Variants in E2F4 observed in about 807,000 individuals in gnomAD.
E2F4 encodes E2F transcription factor 4.
E2F4 carries 16 observed loss-of-function variants against 44.5 expected under a neutral mutation model. That is an observed-to-expected ratio of 0.36 (90% CI 0.24 to 0.55). E2F4 has a LOEUF of 0.55. Ranked by LOEUF, E2F4 falls within the 20% of genes least tolerant of loss-of-function variation. The pLI is 0.87. For synonymous variants in E2F4, 242 were observed against 207.2 expected, an observed-to-expected ratio of 1.17 and a Z score of -1.44; for missense variants, 473 against 522.1, an observed-to-expected ratio of 0.91 and a Z score of 0.92.
At chr16:67,196,452 T>C (rs2032971592) in intron 7 of E2F4, among the ~76,000 whole-genome samples, 1 of 152,244 alleles carries the variant, frequency 6.6e-6, no homozygotes, top group Non-Finnish European at 1.5e-5. Flanking sequence ...CGTGTTTTGC[T>C]GGTGCTCTCT....
In E2F4 at chr16:67,194,783, C is replaced by T; in HGVS notation, c.611C>T (p.Pro204Leu). ...LVNKEAWSSP[P>L]VAVPVPPPED... ...AACAAGGAGGCATGGAGCTCACCCC[C>T]TGTGGCTGTGCCTGTGCCACCACCT... The change falls in exon 6 of 10, where the codon CCT becomes CTT. Residue 204 changes from proline (P) to leucine (L), a missense_variant. Coordinates refer to ENST00000379378, the MANE Select transcript of E2F4 (RefSeq NM_001950.4). The T allele has an allele frequency of 6.2e-7, 1 of 1,614,210 alleles. No homozygotes were observed. Among genetic ancestry groups the T allele is most frequent in the Non-Finnish European group, 8.5e-7 (1 of 1,180,036 alleles).
chr16:67,196,029 CAG>C lies in E2F4; in HGVS notation c.1033+34_1033+35del, dbSNP rs550471473. The C allele has an allele frequency of 6.0e-4, 964 of 1,611,060 alleles. 8 individuals carry two copies. In the African/African-American group the frequency reaches 0.011, roughly 18 times the overall value. On this transcript the variant is annotated intron_variant, in intron 7 of 9. Transcript: ENST00000379378. ...GTGGTGAGTACCTGCCCCCTGGGGG[CAG>C]AGAGAGAGAGTCTAGCCTCAGTCCA...
At chr16:67,195,623 A>G (rs757529693) in intron 6 of E2F4, 159 bp from the exon 7 acceptor site, 21 of 1,444,092 alleles carry the variant, frequency 1.5e-5, no homozygotes, top group Non-Finnish European at 1.8e-5. Context: ...TGTGGTGACT[A>G]ATTTCAGGTT....
Position 67,194,381 on chromosome 16 carries a change from T to A in E2F4, c.452-17T>A. 1 of 1,613,900 alleles carries A rather than the reference T, an allele frequency of 6.2e-7. No homozygotes were observed. ...ATTGAGCCCATGGGCTCTGACCCAT[T>A]CTCCATGTCATTCTAGGAGATACCC... is the stretch of plus-strand genomic sequence containing the variant. On this transcript the variant is annotated splice_polypyrimidine_tract_variant and intron_variant, in intron 4 of 9. Coordinates refer to ENST00000379378, the MANE Select transcript of E2F4 (RefSeq NM_001950.4).
chr16:67,194,071 G>C, intron 4 of E2F4: 1 of 331,410 alleles, frequency 3.0e-6, no homozygotes, highest in Non-Finnish European at 5.6e-6. Context: ...TCTCCATCTT[G>C]TATGCTCCTG....
intron 7 of E2F4, among the ~76,000 whole-genome samples, chr16:67,196,299 C>G (rs1448067706): frequency 6.6e-6 from 1 of 152,194 alleles, no homozygotes; most frequent in South Asian, 2.1e-4. Flanking sequence ...TCCTTTCTGT[C>G]TGGACTCCTT....
At chr16:67,192,909 C>T (rs767999787) in intron 2 of E2F4, 39 bp downstream of exon 2, 1 of 1,583,382 alleles carries the variant, frequency 6.3e-7, no homozygotes, top group South Asian at 1.1e-5. Context: ...AGTCTCCCAC[C>T]CAGAAGTGTC....
chr16:67,193,301 C>A, intron 3 of E2F4, 131 bp downstream of exon 3: 1 of 1,494,272 alleles, frequency 6.7e-7, no homozygotes, highest in Non-Finnish European at 9.2e-7. Context: ...GCTCCCTCCT[C>A]AGAGCCCCTC....
intron 9 of E2F4, 39 bp downstream of exon 9, chr16:67,197,950 G>C (rs2032998414): frequency 6.2e-7 from 1 of 1,614,044 alleles, no homozygotes; most frequent in East Asian, 2.2e-5. Context: ...TGTGGGCAGG[G>C]GTTGGGCTGC....
intron 7 of E2F4, 79 bp downstream of exon 7, chr16:67,196,085 T>A: frequency 6.3e-7 from 1 of 1,589,364 alleles, no homozygotes; most frequent in East Asian, 2.2e-5. Flanking sequence ...GAATTGGGGA[T>A]GGAACCCAGA....
chr16:67,196,036 A>C (rs2032964925), intron 7 of E2F4, 30 bp downstream of exon 7: 1 of 1,612,252 alleles, frequency 6.2e-7, no homozygotes, highest in Non-Finnish European at 8.5e-7. Context: ...GGGCAGAGAG[A>C]GAGAGTCTAG....
chr16:67,197,961 T>C, intron 9 of E2F4, 47 bp from the exon 10 acceptor site: 1 of 1,613,960 alleles, frequency 6.2e-7, no homozygotes, highest in Non-Finnish European at 8.5e-7. Context: ...GTTGGGCTGC[T>C]GCTAGGGGAG....
In E2F4 at chr16:67,194,706, G is replaced by A. The variant is rs777989753; in HGVS notation, c.534G>A (p.Lys178=). The change falls in exon 6 of 10, where the codon AAG becomes AAA. Residue 178 remains lysine, a synonymous_variant. Coordinates refer to ENST00000379378, the MANE Select transcript of E2F4 (RefSeq NM_001950.4). ...TCTAGGGTCTCAATGGGCAGAAGAAGTACCAGATTCACCTGAAGAGTGTGA... is the reference window on the plus strand; with the variant it reads ...TCTAGGGTCTCAATGGGCAGAAGAAATACCAGATTCACCTGAAGAGTGTGA... ...PIPEGLNGQK[K]YQIHLKSVSG... 1.2e-6 allele frequency: 2 copies of A among 1,612,882 alleles called. No individual in the cohort carries two copies. The highest frequency in any genetic ancestry group is 1.1e-5 in the South Asian group (1 of 91,080).
At position 67,194,767 on chromosome 16, in the gene E2F4, G is replaced by A; in HGVS notation, c.595G>A (p.Ala199Thr). 6.2e-7 allele frequency: 1 copy of A among 1,614,156 alleles called. No individual in the cohort carries two copies. Among genetic ancestry groups the A allele is most frequent in the Non-Finnish European group, 8.5e-7 (1 of 1,180,012 alleles). ...TGAGGTTCTGCTGGTGAACAAGGAG[G>A]CATGGAGCTCACCCCCTGTGGCTGT... ...PIEVLLVNKE[A>T]WSSPPVAVPV... Residue 199 changes from alanine to threonine, a missense_variant, in exon 6 of 10, where the codon GCA becomes ACA. Physicochemically the swap from Ala to Thr is moderately conservative, Grantham distance 58. This residue lies in a region of E2F4 where 314 missense variants were observed against 315.6 expected (regional missense o/e 0.99). Transcript: ENST00000379378.
In E2F4 at chr16:67,198,303, C is replaced by T. The variant is rs1441194053; in HGVS notation, c.*180C>T. 4 of 609,270 alleles carry T rather than the reference C, an allele frequency of 6.6e-6. No homozygotes were observed. Among genetic ancestry groups the T allele is most frequent in the South Asian group, 1.9e-5 (1 of 53,050 alleles). 37.7% of individuals were successfully genotyped at this position (609,270 alleles called of 1,614,324 possible). ...GCTCCTGTGCTGGCACTTCTGTGCT[C>T]GCAGAGCAGGGGAACAGGACTCAGC... On this transcript the variant is annotated 3_prime_UTR_variant, in exon 10 of 10. Transcript: ENST00000379378.
rs775328540 is a variant in E2F4 at position 67,194,730 on chromosome 16, G to A, written c.558G>A (p.Val186=). 6.2e-6 allele frequency: 10 copies of A among 1,614,062 alleles called. No individual in the cohort carries two copies. Among genetic ancestry groups the A allele is most frequent in the East Asian group, 4.5e-5 (2 of 44,894 alleles). Residue 186 remains valine (V), a synonymous_variant, in exon 6 of 10, where the codon GTG becomes GTA. Transcript: ENST00000379378. ...QKKYQIHLKS[V]SGPIEVLLVN... ...AGTACCAGATTCACCTGAAGAGTGT[G>A]AGTGGTCCCATTGAGGTTCTGCTGG...
rs546305954 is a variant in E2F4, at chr16:67,193,948, CTG to C, written c.451+437_451+438del. On this transcript the variant is annotated intron_variant, in intron 4 of 9. Transcript: ENST00000379378. ...TTTCTTTTTAAGAGATGGGCTCTTG[CTG>C]TGTTGCCCAGGCTGGTCTTGAACTC... The C allele has an allele frequency of 4.6e-4, 112 of 241,612 alleles. No homozygotes were observed. The East Asian group carries it at 0.011, about 24-fold the overall frequency. 15.0% of individuals were successfully genotyped at this position (241,612 alleles called of 1,614,324 possible).
chr16:67,192,581 C>T, intron 1 of E2F4, 180 bp from the exon 2 acceptor site: 1 of 953,812 alleles, frequency 1.0e-6, no homozygotes, highest in Non-Finnish European at 1.5e-6. Context: ...TCCTCGTGGC[C>T]CTTCCTGGCT....
Position 67,198,124 on chromosome 16 carries a change from C to G in E2F4, c.*1C>G, listed in dbSNP as rs3730412. On this transcript the variant is annotated 3_prime_UTR_variant, in exon 10 of 10. Coordinates refer to ENST00000379378, the MANE Select transcript of E2F4 (RefSeq NM_001950.4). ...TGATGTGCCTGTTCTCAACCTCTGA[C>G]TGACAGGGACATGCCCTGTGTGGCT... The G allele has an allele frequency of 6.2e-7, 1 of 1,612,456 alleles. No homozygotes were observed. Among genetic ancestry groups the G allele is most frequent in the Non-Finnish European group, 8.5e-7 (1 of 1,178,992 alleles).
Sources: allele counts gnomAD v4.1 joint callset (sites outside exome capture counted in the v4.1 genomes callset), GRCh38; gene constraint gnomAD v4.1.1; regional missense constraint gnomAD v4.1.1; transcripts MANE v1.5; gene names NCBI Gene and HGNC (gene_info 2026-07-23, HGNC 2026-07-21).